The following LEPR variants were observed in gnomAD, a reference collection of about 807,000 sequenced individuals.
LEPR encodes OB receptor.
LEPR carries 56 observed loss-of-function variants against 114.7 expected under a neutral mutation model. That is an observed-to-expected ratio of 0.49 (90% CI 0.39 to 0.61). The LOEUF is 0.61. Among genes scored for constraint, LEPR ranks in the 20% least tolerant of loss-of-function variants. LEPR has a pLI of 0.00. For missense variants in LEPR, 1,202 were observed against 1,352.9 expected, an observed-to-expected ratio of 0.89 and a Z score of 1.75; for synonymous variants, 443 against 461.4, an observed-to-expected ratio of 0.96 and a Z score of 0.51.
At chr1:65,618,220 T>C (rs1657647111) in intron 16 of LEPR, 74 bp downstream of exon 16, 5 of 1,377,014 alleles carry the variant, frequency 3.6e-6, no homozygotes, top group Non-Finnish European at 5.0e-6. Context: ...TCTATTAATA[T>C]AGCCAGTTAA....
rs1654106724 is a variant in LEPR at position 65,570,913 on chromosome 1, T to C, written c.370+111T>C. On this transcript the variant is annotated intron_variant, in intron 4 of 19. Coordinates refer to ENST00000349533, the MANE Select transcript of LEPR (RefSeq NM_002303.6). The stretch of plus-strand genomic sequence containing the variant: ...ATTTTAACATACATAATCATTTTTA[T>C]ATGGATAATAAAATTAGGATTCATT... 3.3e-6 allele frequency: 3 copies of C among 904,360 alleles called. No homozygotes were observed. The Admixed American group carries it at 1.1e-4, about 33-fold the overall frequency. The allele number at this position is 904,360 out of a possible 1,614,324, so 56.0% of individuals were successfully genotyped here.
chr1:65,488,330 T>G (rs1012790388), intron 2 of LEPR, among the ~76,000 whole-genome samples: 1 of 132,848 alleles, frequency 7.5e-6, no homozygotes, highest in Admixed American at 7.6e-5. Context: ...TTCTTTCTTC[T>G]TCTTCTTCTT....
intron 2 of LEPR, chr1:65,526,247 A>C (rs1482147959): frequency 1.0e-6 from 1 of 985,312 alleles, no homozygotes; most frequent in Non-Finnish European, 1.2e-6. Flanking sequence ...AGAAAAAATA[A>C]TTGTTCTGTA....
intron 2 of LEPR, among the ~76,000 whole-genome samples, chr1:65,503,738 A>G (rs1405975643): frequency 6.6e-6 from 1 of 152,068 alleles, no homozygotes; most frequent in African/African-American, 2.4e-5. Context: ...ACATTATTAT[A>G]GGTACAGACG....
chr1:65,429,849 G>T, intron 2 of LEPR: 1 of 1,439,252 alleles, frequency 6.9e-7, no homozygotes, highest in East Asian at 2.5e-5. Flanking sequence ...TTTTGCCTGG[G>T]TCCAACTGAC....
chr1:65,564,809 A>G (rs1182773047), intron 2 of LEPR, among the ~76,000 whole-genome samples: 2 of 152,180 alleles, frequency 1.3e-5, no homozygotes, highest in East Asian at 1.9e-4. Context: ...TAATTCAGGT[A>G]GGTTTTCATC....
intron 12 of LEPR, among the ~76,000 whole-genome samples, chr1:65,609,454 G>A (rs1200979475): frequency 3.9e-5 from 6 of 152,130 alleles, no homozygotes; most frequent in Admixed American, 6.5e-5. Context: ...GCTTTGTGAC[G>A]GCAGCCTGCA....
intron 2 of LEPR, among the ~76,000 whole-genome samples, chr1:65,553,255 T>C (rs906925434): frequency 6.6e-6 from 1 of 152,190 alleles, no homozygotes; most frequent in Non-Finnish European, 1.5e-5. Context: ...AATTTGAATG[T>C]TGGCCTGTCT....
At position 65,633,729 on chromosome 1, in the gene LEPR, C is replaced by T; in HGVS notation, c.2674-2462C>T. 1 of 985,232 alleles carries T rather than the reference C, an allele frequency of 1.0e-6. No homozygotes were observed. The highest frequency in any genetic ancestry group is 1.2e-6 in the Non-Finnish European group (1 of 829,760). The allele number at this position is 985,232 out of a possible 1,614,324, so 61.0% of individuals were successfully genotyped here. On this transcript the variant is annotated intron_variant, in intron 19 of 19. Coordinates refer to ENST00000349533, the MANE Select transcript of LEPR (RefSeq NM_002303.6). The surrounding 1 kb of genome is among the most constrained non-coding windows in gnomAD (Gnocchi z 4.1). ...ATTCGGGTGTTCTTTTGAATATCTC[C>T]TGGCATTTTTGTATCTAACTTTGTT...
intron 2 of LEPR, among the ~76,000 whole-genome samples, chr1:65,564,185 C>A (rs1570703865): frequency 6.6e-6 from 1 of 150,454 alleles, no homozygotes; most frequent in East Asian, 1.9e-4. Context: ...TCTCAGACTG[C>A]TGTGCTAGCA....
chr1:65,503,680 C>G (rs761308040), intron 2 of LEPR, among the ~76,000 whole-genome samples: 7 of 151,978 alleles, frequency 4.6e-5, no homozygotes, highest in Non-Finnish European at 8.8e-5. Context: ...AAGAATGATT[C>G]ATATGGTTAT....
At chr1:65,533,204 A>T (rs1650524724) in intron 2 of LEPR, among the ~76,000 whole-genome samples, 1 of 152,144 alleles carries the variant, frequency 6.6e-6, no homozygotes, top group Non-Finnish European at 1.5e-5. Flanking sequence ...TTAGGGAAGA[A>T]CTCAGTATAT....
rs376195366 is a variant in LEPR at position 65,608,796 on chromosome 1, A to G, written c.1647A>G (p.Ile549Met). The G allele has an allele frequency of 1.1e-5, 18 of 1,613,814 alleles. No individual in the cohort carries two copies. Among genetic ancestry groups the G allele is most frequent in the Non-Finnish European group, 1.5e-5 (18 of 1,179,850 alleles). The stretch of plus-strand genomic sequence containing the variant: ...CCAGTGTGAAAGCAGAAATTACTAT[A>G]AACATTGGATTATTGAAAATATCTT... ...PPSSVKAEIT[I>M]NIGLLKISWE... is the part of the protein sequence containing the mutation. Residue 549 changes from isoleucine to methionine, a missense_variant, in exon 12 of 20, where the codon ATA becomes ATG. Transcript: ENST00000349533.
intron 5 of LEPR, among the ~76,000 whole-genome samples, chr1:65,584,324 T>A (rs921395660): frequency 6.6e-6 from 1 of 152,100 alleles, no homozygotes; most frequent in Non-Finnish European, 1.5e-5. Context: ...GTTGTTATTG[T>A]TTCTAGCCCT....
chr1:65,506,803 C>T (rs549652868), intron 2 of LEPR, among the ~76,000 whole-genome samples: 1 of 152,274 alleles, frequency 6.6e-6, no homozygotes, highest in Admixed American at 6.5e-5. Flanking sequence ...GGTGAGAACA[C>T]TTAAAATCCT....
chr1:65,425,175 C>A (rs1339037965), intron 1 of LEPR, 128 bp from the exon 2 acceptor site: 1 of 714,080 alleles, frequency 1.4e-6, no homozygotes, highest in African/African-American at 1.8e-5. Context: ...CTATCTAATT[C>A]CAGAAAATTT....
At chr1:65,430,228 G>T in intron 2 of LEPR, 1 of 448,008 alleles carries the variant, frequency 2.2e-6, no homozygotes, top group Non-Finnish European at 3.9e-6. Context: ...CCTTCAGAGT[G>T]CTTTCTTTAT....
At chr1:65,492,690 T>G (rs1647936532) in intron 2 of LEPR, among the ~76,000 whole-genome samples, 2 of 152,044 alleles carry the variant, frequency 1.3e-5, no homozygotes, top group South Asian at 4.1e-4. Context: ...ACATTTTAGA[T>G]AAATGCATGT....
rs1339080509 is a variant in LEPR at position 65,639,016 on chromosome 1, T to C, written c.*2001T>C. On this transcript the variant is annotated 3_prime_UTR_variant, in exon 20 of 20. Coordinates refer to ENST00000349533, the MANE Select transcript of LEPR (RefSeq NM_002303.6). ...AGTACAGAAGAGATAGAAAAATAAA[T>C]TTTGCCCCACTCTGAAATTGAAGAC... 2 of 152,140 alleles carry C rather than the reference T, an allele frequency of 1.3e-5. No homozygotes were observed. The highest frequency in any genetic ancestry group is 2.9e-5 in the Non-Finnish European group (2 of 68,010). 9.4% of individuals were successfully genotyped at this position (152,140 alleles called of 1,614,324 possible).
Sources: gnomAD v4.1 joint callset for allele counts (sites outside exome capture counted in the v4.1 genomes callset) on GRCh38, gnomAD v4.1.1 for gene constraint, Gnocchi (gnomAD v3.1) non-coding constraint, MANE v1.5 for transcripts, NCBI Gene and HGNC (gene_info 2026-07-23, HGNC 2026-07-21) for gene names.